Variants in GRIN2A observed in about 807,000 individuals in gnomAD.
GRIN2A encodes the protein glutamate receptor ionotropic, NMDA 2A.
In GRIN2A, 22 loss-of-function variants were observed where a neutral mutation model predicts 113.4. The ratio of observed to expected loss-of-function variants is 0.19; its 90% CI spans 0.14 to 0.28. The LOEUF is 0.28. Among genes scored for constraint, GRIN2A ranks in the 10% least tolerant of loss-of-function variants. The probability of loss-of-function intolerance (pLI) is 1.00; values close to 1 mark genes in which losing one functional copy is unlikely to be tolerated. For synonymous variants in GRIN2A, 827 were observed against 738.4 expected (o/e 1.12, Z -1.94); for missense variants, 1,502 against 1,887.0 (o/e 0.80, Z 3.78).
intron 2 of GRIN2A, among the ~76,000 whole-genome samples, chr16:9,989,406 C>T (rs2046055418): frequency 7.2e-6 from 1 of 139,718 alleles, no homozygotes; most frequent in Non-Finnish European, 1.5e-5. Flanking sequence ...GGATTAAAGA[C>T]TTAAATGTAA....
In GRIN2A at chr16:10,058,272, AAAAAACC is replaced by A. The variant is rs1156317480; in HGVS notation, c.415-119728_415-119722del. Among the ~76,000 whole-genome samples, 143 of 143,060 alleles carry A rather than the reference AAAAAACC, an allele frequency of 1.0e-3. 1 individual carries two copies. Among genetic ancestry groups the A allele is most frequent in the African/African-American group, 4.2e-3 (141 of 33,478 alleles). The allele number at this position is 143,060 out of a possible 152,430, so 93.9% of individuals were successfully genotyped here. On this transcript the variant is annotated intron_variant, in intron 2 of 12. Transcript: ENST00000330684. ...CTGTCTCAAAAAAAACCAAAAAACA[AAAAAACC>A]AAAAAACAAAAAAACAAAAAACAAA... is the stretch of plus-strand genomic sequence containing the variant.
intron 3 of GRIN2A, among the ~76,000 whole-genome samples, chr16:9,912,135 CGAT>C (rs527635233): frequency 7.0e-4 from 106 of 150,504 alleles, no homozygotes; most frequent in Non-Finnish European, 1.4e-3. Context: ...ATGGTAATGA[CGAT>C]GACGATAAAG....
chr16:10,125,605 C>T (rs890595093), intron 2 of GRIN2A, among the ~76,000 whole-genome samples: 1 of 147,780 alleles, frequency 6.8e-6, no homozygotes, highest in Admixed American at 6.8e-5. Context: ...GCTAAGGCAT[C>T]ATCCTCATAC....
At chr16:9,988,971 A>G (rs1336305240) in intron 2 of GRIN2A, among the ~76,000 whole-genome samples, 1 of 152,204 alleles carries the variant, frequency 6.6e-6, no homozygotes, top group East Asian at 1.9e-4. Flanking sequence ...TTCTGTCCAA[A>G]TAAGGAAAGG....
chr16:10,115,226 T>C (rs2048707772), intron 2 of GRIN2A, among the ~76,000 whole-genome samples: 1 of 144,392 alleles, frequency 6.9e-6, no homozygotes, highest in South Asian at 2.4e-4. Flanking sequence ...TTGCATGATC[T>C]AAGTTTTTTT....
At chr16:9,800,238 G>A (rs1401842625) in intron 10 of GRIN2A, among the ~76,000 whole-genome samples, 1 of 152,148 alleles carries the variant, frequency 6.6e-6, no homozygotes, top group Non-Finnish European at 1.5e-5. Flanking sequence ...GCTTCCCAAA[G>A]TGCTGGGATT....
chr16:9,911,031 AT>A (rs1304999442), intron 3 of GRIN2A, among the ~76,000 whole-genome samples: 1 of 152,134 alleles, frequency 6.6e-6, no homozygotes, highest in Middle Eastern at 3.2e-3. Flanking sequence ...AAAAAAAAAA[AT>A]CCATCTTGTA....
rs576903747 is a variant in GRIN2A at position 10,017,538 on chromosome 16, C to T, written c.415-78987G>A. Among the ~76,000 whole-genome samples the T allele has an allele frequency of 1.9e-3, 289 of 152,252 alleles. 1 individual carries two copies. The highest frequency in any genetic ancestry group is 1.7e-3 in the Non-Finnish European group (114 of 68,026). On this transcript the variant is annotated intron_variant, in intron 2 of 12. Coordinates refer to ENST00000330684, the MANE Select transcript of GRIN2A (RefSeq NM_001134407.3). ...GCAAGTCACTACTCTCTGAGGGTCTCTAAGTGCTCTGAGAAATATGAACAG... is the reference window on the plus strand; with the variant it reads ...GCAAGTCACTACTCTCTGAGGGTCTTTAAGTGCTCTGAGAAATATGAACAG...
At chr16:10,033,812 T>G (rs1170974406) in intron 2 of GRIN2A, 1 of 152,378 alleles carries the variant, frequency 6.6e-6, no homozygotes, top group Admixed American at 6.5e-5. Flanking sequence ...CTTGTGCGTA[T>G]GCTGATGCTG....
At chr16:9,780,905 A>G (rs1389175455) in intron 11 of GRIN2A, among the ~76,000 whole-genome samples, 1 of 152,146 alleles carries the variant, frequency 6.6e-6, no homozygotes, top group Admixed American at 6.5e-5. Flanking sequence ...ATAAGGGGAA[A>G]CCAGTCATGT....
At chr16:9,957,426 A>G (rs1012482029) in intron 2 of GRIN2A, among the ~76,000 whole-genome samples, 8 of 152,192 alleles carry the variant, frequency 5.3e-5, no homozygotes, top group African/African-American at 1.9e-4. Context: ...AGCACTCTTC[A>G]GTATTTGGGT....
intron 2 of GRIN2A, among the ~76,000 whole-genome samples, chr16:10,042,731 T>C (rs868057789): frequency 2.0e-5 from 3 of 152,166 alleles, no homozygotes; most frequent in African/African-American, 7.2e-5. Flanking sequence ...TTAAGAGGAA[T>C]CTGCTGGGGT....
chr16:10,134,099 G>T (rs2049134822), intron 2 of GRIN2A, among the ~76,000 whole-genome samples: 1 of 151,590 alleles, frequency 6.6e-6, no homozygotes, highest in Non-Finnish European at 1.5e-5. Context: ...AGGAGGCTGA[G>T]GTGGGAGAAT....
chr16:9,921,745 A>G (rs1391898036), intron 3 of GRIN2A, among the ~76,000 whole-genome samples: 1 of 152,190 alleles, frequency 6.6e-6, no homozygotes, highest in Non-Finnish European at 1.5e-5. Context: ...CATCATCTTC[A>G]TCAATCATGA....
At chr16:9,959,145 C>T (rs180792148) in intron 2 of GRIN2A, among the ~76,000 whole-genome samples, 1 of 152,310 alleles carries the variant, frequency 6.6e-6, no homozygotes, top group East Asian at 1.9e-4. Context: ...TTCAGTGTTA[C>T]AAGGACAAGT....
intron 2 of GRIN2A, among the ~76,000 whole-genome samples, chr16:10,037,831 C>G (rs2047063436): frequency 6.6e-6 from 1 of 152,084 alleles, no homozygotes; most frequent in Non-Finnish European, 1.5e-5. Flanking sequence ...GTTGCCCAGG[C>G]TACTCTCCAA....
At chr16:10,014,824 T>C (rs1178910820) in intron 2 of GRIN2A, among the ~76,000 whole-genome samples, 1 of 152,144 alleles carries the variant, frequency 6.6e-6, no homozygotes, top group Non-Finnish European at 1.5e-5. Context: ...TTAAGCAATA[T>C]GGACTTTATC....
intron 3 of GRIN2A, among the ~76,000 whole-genome samples, chr16:9,919,782 C>T (rs61614611): frequency 2.0e-3 from 298 of 152,340 alleles, no homozygotes; most frequent in African/African-American, 6.7e-3. Context: ...TCTCCAAATG[C>T]ATGCTCCTCT....
chr16:10,129,449 G>T (rs1290016233), intron 2 of GRIN2A, among the ~76,000 whole-genome samples: 2 of 152,126 alleles, frequency 1.3e-5, no homozygotes, highest in African/African-American at 4.8e-5. Flanking sequence ...TGAGTAATGG[G>T]CTAATGGCTA....
Sources: gnomAD v4.1 joint callset for allele counts (sites outside exome capture counted in the v4.1 genomes callset) on GRCh38, gnomAD v4.1.1 for gene constraint, MANE v1.5 for transcripts, NCBI Gene and HGNC (gene_info 2026-07-23, HGNC 2026-07-21) for gene names.